C11orf58: variants seen among roughly 807,000 people sequenced by gnomAD.
C11orf58 encodes chromosome 11 open reading frame 58, also known as small acidic protein.
C11orf58 carries 5 observed loss-of-function variants against 22.7 expected under a neutral mutation model. The ratio of observed to expected loss-of-function variants is 0.22; its 90% CI spans 0.12 to 0.46. C11orf58 has a LOEUF of 0.46. Among genes scored for constraint, C11orf58 ranks in the 20% least tolerant of loss-of-function variants. The probability of loss-of-function intolerance (pLI) is 0.99; values close to 1 mark genes in which losing one functional copy is unlikely to be tolerated. For synonymous variants in C11orf58, 71 were observed against 70.7 expected (o/e 1.00, Z -0.02); for missense variants, 151 against 223.3 (o/e 0.68, Z 2.06).
At chr11:16,746,327 A>G (rs16933396) in intron 2 of C11orf58, among the ~76,000 whole-genome samples, 3,548 of 152,230 alleles carry the variant, frequency 0.023, 146 homozygotes, top group African/African-American at 0.081. Flanking sequence ...ATAGTCTGCA[A>G]TTTCTCTTGT....
chr11:16,739,720 A>T (rs142720503), intron 1 of C11orf58: 2 of 152,334 alleles, frequency 1.3e-5, no homozygotes, highest in African/African-American at 4.8e-5. Flanking sequence ...GGCAACGTTG[A>T]TGGGGAAAAT....
At chr11:16,750,367 C>G (rs1848523436) in intron 3 of C11orf58, 1 of 152,144 alleles carries the variant, frequency 6.6e-6, no homozygotes, top group Non-Finnish European at 1.5e-5. Flanking sequence ...TATTGAAGGC[C>G]ACCACTTCAT....
chr11:16,740,843 C>T (rs1413166726), intron 1 of C11orf58, among the ~76,000 whole-genome samples: 2 of 150,610 alleles, frequency 1.3e-5, no homozygotes, highest in Admixed American at 6.6e-5. Flanking sequence ...CCTGTAATCC[C>T]AACACTTTGG....
intron 1 of C11orf58, among the ~76,000 whole-genome samples, chr11:16,742,058 T>C (rs1299651233): frequency 6.6e-6 from 1 of 152,212 alleles, no homozygotes; most frequent in Non-Finnish European, 1.5e-5. Context: ...TTTAAGGTCT[T>C]TGAAAAGAAG....
chr11:16,747,104 G>A (rs889251504), intron 2 of C11orf58: 1 of 152,140 alleles, frequency 6.6e-6, no homozygotes, highest in Non-Finnish European at 1.5e-5. Flanking sequence ...ATAGATCAGT[G>A]CAATACTGTC....
Position 16,755,102 on chromosome 11 carries a change from T to A in C11orf58, c.550T>A (p.Ter184LysextTer5). ...GATGTTTGTTAAATCCAGTGGTTCA[T>A]AACTCCCAAACGCTTAGTCTTTGTA... The part of the protein sequence containing the change: ...KMMFVKSSGS[*>K] The change falls in exon 5 of 5, where the codon TAA becomes AAA. Residue 184 changes from the stop codon to lysine (K), a stop_lost. Transcript: ENST00000228136. The A allele has an allele frequency of 1.2e-6, 2 of 1,613,788 alleles. No individual in the cohort carries two copies. Among genetic ancestry groups the A allele is most frequent in the Non-Finnish European group, 1.7e-6 (2 of 1,179,920 alleles).
chr11:16,738,706 T>G lies in C11orf58; in HGVS notation c.-73T>G. The G allele has an allele frequency of 6.5e-7, 1 of 1,535,528 alleles. No individual in the cohort carries two copies. Among genetic ancestry groups the G allele is most frequent in the Admixed American group, 1.7e-5 (1 of 59,922 alleles). Reference sequence around the variant, plus strand: ...GGCGCTGCTTGGGCCCTTGGCGGATTGTAAGCTGCTGGTTTTGCGGCTGGG... The same window carrying G: ...GGCGCTGCTTGGGCCCTTGGCGGATGGTAAGCTGCTGGTTTTGCGGCTGGG... On this transcript the variant is annotated 5_prime_UTR_variant, in exon 1 of 5. It adds an upstream start codon to the 5' untranslated region. Transcript: ENST00000228136.
rs1590076608 is a variant in C11orf58, at chr11:16,754,952, G to A, written c.400G>A (p.Asp134Asn). The A allele has an allele frequency of 6.2e-7, 1 of 1,614,118 alleles. No individual in the cohort carries two copies. The highest frequency in any genetic ancestry group is 2.2e-5 in the East Asian group (1 of 44,880). ...DDDSPDPESP[D>N]DSESDSESEK... is the part of the protein sequence containing the mutation. ...TGATTCACCTGATCCTGAAAGTCCA[G>A]ATGATTCTGAAAGCGATTCAGAGTC... The change falls in exon 5 of 5, where the codon GAT becomes AAT. Residue 134 changes from aspartate (D) to asparagine (N), a missense_variant. Transcript: ENST00000228136.
In C11orf58 at chr11:16,757,126, T is replaced by C. The variant is rs7128876; in HGVS notation, c.*2022T>C. On this transcript the variant is annotated 3_prime_UTR_variant, in exon 5 of 5. Transcript: ENST00000228136. ...ATCACTTTATAGTAGACAATACATA[T>C]GACATTTAACAAATACTTGGTTTGA... Among the ~76,000 whole-genome samples the C allele has an allele frequency of 0.29, 44,333 of 150,360 alleles. 7,414 individuals are homozygous for C. Among genetic ancestry groups the C allele is most frequent in the East Asian group, 0.49 (2,503 of 5,074 alleles).
chr11:16,748,048 G>T (rs1293873394), intron 2 of C11orf58, 49 bp from the exon 3 acceptor site: 5 of 1,418,902 alleles, frequency 3.5e-6, no homozygotes, highest in East Asian at 2.3e-5. Flanking sequence ...TACCCAATAA[G>T]GTTAAATTAG....
chr11:16,738,920 G>A (rs1848419608), intron 1 of C11orf58, 79 bp downstream of exon 1: 2 of 1,532,970 alleles, frequency 1.3e-6, no homozygotes, highest in East Asian at 2.3e-5. Context: ...GTTGGAGGAG[G>A]ACGCGCCTGA....
At chr11:16,752,257 C>T (rs1564884879) in intron 3 of C11orf58, 1 of 152,866 alleles carries the variant, frequency 6.5e-6, no homozygotes, top group Non-Finnish European at 1.5e-5. Context: ...TGAATCATCT[C>T]AAAACCACCA....
At chr11:16,747,889 A>G in intron 2 of C11orf58, 1 of 449,640 alleles carries the variant, frequency 2.2e-6, no homozygotes, top group South Asian at 2.8e-5. Flanking sequence ...ACTTTCTAAC[A>G]TAGTATAAAT....
intron 3 of C11orf58, 183 bp downstream of exon 3, chr11:16,748,340 A>G (rs1287009864): frequency 2.0e-6 from 1 of 496,500 alleles, no homozygotes; most frequent in Non-Finnish European, 3.6e-6. Flanking sequence ...AAGTGGGAGG[A>G]TCACTTAAGC....
intron 1 of C11orf58, among the ~76,000 whole-genome samples, chr11:16,741,338 T>C (rs574294775): frequency 1.3e-5 from 2 of 152,274 alleles, no homozygotes; most frequent in South Asian, 4.1e-4. Context: ...AGGAGGTAAA[T>C]TGATTGCAGT....
chr11:16,755,225 T>A lies in C11orf58; in HGVS notation c.*121T>A. ...TTTTAAAAAGGCCCTTTTAAATAAT[T>A]ACAAAGAGTGTTTGCTTTCAAATGC... On this transcript the variant is annotated 3_prime_UTR_variant, in exon 5 of 5. Coordinates refer to ENST00000228136, the MANE Select transcript of C11orf58 (RefSeq NM_014267.6). The A allele has an allele frequency of 8.4e-7, 1 of 1,185,898 alleles. No homozygotes were observed. Among genetic ancestry groups the A allele is most frequent in the South Asian group, 1.5e-5 (1 of 65,232 alleles). The allele number at this position is 1,185,898 out of a possible 1,614,324, so 73.5% of individuals were successfully genotyped here.
At chr11:16,742,382 G>T (rs1228109485) in intron 1 of C11orf58, among the ~76,000 whole-genome samples, 2 of 152,174 alleles carry the variant, frequency 1.3e-5, no homozygotes, top group Non-Finnish European at 1.5e-5. Context: ...TAGATAAGGA[G>T]TTAAAATTAA....
chr11:16,739,366 T>G (rs1198595106), intron 1 of C11orf58: 1 of 157,332 alleles, frequency 6.4e-6, no homozygotes, highest in Non-Finnish European at 1.4e-5. Context: ...GTGCCACGGG[T>G]GTAATTTGGT....
intron 1 of C11orf58, among the ~76,000 whole-genome samples, chr11:16,743,227 T>G (rs1360062013): frequency 6.6e-6 from 1 of 152,238 alleles, no homozygotes; most frequent in Non-Finnish European, 1.5e-5. Context: ...CCTTCACCCT[T>G]TGTCCATTTG....
Sources: gnomAD v4.1 joint callset for allele counts (sites outside exome capture counted in the v4.1 genomes callset) on GRCh38, gnomAD v4.1.1 for gene constraint, MANE v1.5 for transcripts, NCBI Gene and HGNC (gene_info 2026-07-23, HGNC 2026-07-21) for gene names.